The following GRM5 variants were observed in gnomAD, a reference collection of about 807,000 sequenced individuals.
The protein encoded by GRM5 is metabotropic glutamate receptor 5.
A neutral mutation model predicts 83.1 loss-of-function variants in GRM5; 19 were observed. The observed-to-expected ratio is 0.23, with a 90% CI of 0.16 to 0.34. GRM5 has a LOEUF of 0.34. GRM5 is among the 10% of genes least tolerant of loss of function. The pLI is 1.00. For synonymous variants in GRM5, 675 were observed against 633.6 expected (o/e 1.07, Z -0.98); for missense variants, 1,160 against 1,588.3 (o/e 0.73, Z 4.58).
intron 3 of GRM5, among the ~76,000 whole-genome samples, chr11:88,707,474 G>T (rs1356676233): frequency 2.0e-5 from 3 of 152,004 alleles, no homozygotes; most frequent in African/African-American, 7.2e-5. Context: ...TCTGCATCTG[G>T]CTGAGTGTGT....
chr11:88,795,264 C>G (rs1288379660), intron 3 of GRM5, among the ~76,000 whole-genome samples: 1 of 152,178 alleles, frequency 6.6e-6, no homozygotes, highest in Non-Finnish European at 1.5e-5. Flanking sequence ...CAAAGTTGTA[C>G]AGCTGGTTAC....
At chr11:88,980,944 A>T (rs1337714033) in intron 2 of GRM5, among the ~76,000 whole-genome samples, 3 of 152,208 alleles carry the variant, frequency 2.0e-5, no homozygotes. Flanking sequence ...AAACTGAGGT[A>T]AGGATATATA....
At chr11:88,748,655 A>C (rs1370139920) in intron 3 of GRM5, among the ~76,000 whole-genome samples, 2 of 152,200 alleles carry the variant, frequency 1.3e-5, no homozygotes, top group Non-Finnish European at 2.9e-5. Context: ...AGACCTTCCA[A>C]TGGAGGTCTC....
At chr11:88,916,041 A>G (rs1945585158) in intron 2 of GRM5, among the ~76,000 whole-genome samples, 1 of 152,220 alleles carries the variant, frequency 6.6e-6, no homozygotes, top group African/African-American at 2.4e-5. Flanking sequence ...TAAATTTGAG[A>G]ATTAGGTAAA....
intron 3 of GRM5, among the ~76,000 whole-genome samples, chr11:88,844,389 C>CACACACAT (rs1555025982): frequency 6.9e-6 from 1 of 145,266 alleles, no homozygotes; most frequent in African/African-American, 2.6e-5. Flanking sequence ...CACACACACA[C>CACACACAT]ATATATATAT....
chr11:88,881,212 C>T (rs1432399325), intron 2 of GRM5, among the ~76,000 whole-genome samples: 1 of 151,294 alleles, frequency 6.6e-6, no homozygotes, highest in Non-Finnish European at 1.5e-5. Context: ...TAAAGGAATC[C>T]TCTTAAAAAC....
intron 3 of GRM5, among the ~76,000 whole-genome samples, chr11:88,762,817 G>A (rs1018548773): frequency 1.3e-5 from 2 of 151,874 alleles, no homozygotes; most frequent in Admixed American, 6.6e-5. Context: ...TAGTACATGT[G>A]CACCATGGAG....
intron 2 of GRM5, among the ~76,000 whole-genome samples, chr11:88,865,359 G>A (rs1233933625): frequency 6.6e-6 from 1 of 152,116 alleles, no homozygotes; most frequent in African/African-American, 2.4e-5. Context: ...CTAGCCTTAT[G>A]CAGAAAACGA....
chr11:88,705,252 G>A (rs1672798638), intron 3 of GRM5, among the ~76,000 whole-genome samples: 1 of 152,030 alleles, frequency 6.6e-6, no homozygotes, highest in Admixed American at 6.6e-5. Flanking sequence ...ACTCAGCAGT[G>A]CTTGAGCTGC....
At chr11:88,794,441 T>C (rs1591520697) in intron 3 of GRM5, among the ~76,000 whole-genome samples, 2 of 152,136 alleles carry the variant, frequency 1.3e-5, no homozygotes, top group Admixed American at 1.3e-4. Flanking sequence ...GCCTGAAAAA[T>C]TGGGTTACAG....
intron 2 of GRM5, among the ~76,000 whole-genome samples, chr11:89,024,629 T>C (rs1235292388): frequency 1.3e-5 from 2 of 152,222 alleles, no homozygotes; most frequent in Admixed American, 6.5e-5. Flanking sequence ...AAAATATTTG[T>C]ATTCTATTAT....
At chr11:88,796,916 G>A (rs966059605) in intron 3 of GRM5, among the ~76,000 whole-genome samples, 10 of 142,866 alleles carry the variant, frequency 7.0e-5, no homozygotes, top group Admixed American at 5.4e-4. Flanking sequence ...GTGTGTGTGT[G>A]TGTGTGTGTG....
chr11:88,668,288 C>T (rs1365702318), intron 3 of GRM5, among the ~76,000 whole-genome samples: 1 of 126,886 alleles, frequency 7.9e-6, no homozygotes, highest in Non-Finnish European at 1.7e-5. Flanking sequence ...AAAACATCCC[C>T]AGAAACTCGC....
At chr11:88,785,504 C>A (rs16914854) in intron 3 of GRM5, among the ~76,000 whole-genome samples, 4,709 of 152,086 alleles carry the variant, frequency 0.031, 218 homozygotes, top group African/African-American at 0.095. Flanking sequence ...TTACTTATGA[C>A]CTCAAAACAT....
At chr11:88,648,152 G>A (rs1412794799) in intron 4 of GRM5, among the ~76,000 whole-genome samples, 1 of 151,974 alleles carries the variant, frequency 6.6e-6, no homozygotes, top group African/African-American at 2.4e-5. Flanking sequence ...CCCATTACTG[G>A]GTATATACCC....
intron 3 of GRM5, among the ~76,000 whole-genome samples, chr11:88,745,408 T>G (rs542911704): frequency 6.6e-6 from 1 of 151,890 alleles, no homozygotes; most frequent in South Asian, 2.1e-4. Flanking sequence ...GTTTCACCAT[T>G]GTTCCCAGGC....
At chr11:88,749,178 TGCTAA>T (rs1429009079) in intron 3 of GRM5, among the ~76,000 whole-genome samples, 2 of 152,092 alleles carry the variant, frequency 1.3e-5, no homozygotes, top group Admixed American at 6.6e-5. Flanking sequence ...TGTAACCTAA[TGCTAA>T]GAAGGAAAAA....
intron 2 of GRM5, among the ~76,000 whole-genome samples, chr11:88,852,941 A>G: frequency 6.6e-6 from 1 of 152,156 alleles, no homozygotes; most frequent in East Asian, 1.9e-4. Flanking sequence ...AAATAAAAAT[A>G]GAACACATTT....
chr11:88,614,242 A>G (rs895127897), intron 4 of GRM5, among the ~76,000 whole-genome samples: 1 of 152,112 alleles, frequency 6.6e-6, no homozygotes, highest in African/African-American at 2.4e-5. Flanking sequence ...GGTTACTTCA[A>G]TTACTTAACA....
Sources: allele counts gnomAD v4.1 joint callset (sites outside exome capture counted in the v4.1 genomes callset), GRCh38; gene constraint gnomAD v4.1.1; transcripts MANE v1.5; gene names NCBI Gene and HGNC (gene_info 2026-07-23, HGNC 2026-07-21).